The following OCIAD2 variants were observed in gnomAD, a reference collection of about 807,000 sequenced individuals.
OCIAD2 encodes OCIA domain-containing protein 2.
A neutral mutation model predicts 22.9 loss-of-function variants in OCIAD2; 29 were observed. The ratio of observed to expected loss-of-function variants is 1.27; its 90% CI spans 0.94 to 1.73. OCIAD2 has a LOEUF of 1.73. OCIAD2 is among the 40% of genes most tolerant of loss of function. OCIAD2 has a pLI of 0.00. For missense variants in OCIAD2, 189 were observed against 180.3 expected (o/e 1.05, Z -0.28); for synonymous variants, 67 against 60.2 (o/e 1.11, Z -0.52).
chr4:48,905,275 C>G (rs1453400845), intron 1 of OCIAD2, among the ~76,000 whole-genome samples: 1 of 151,928 alleles, frequency 6.6e-6, no homozygotes, highest in Admixed American at 6.6e-5. Flanking sequence ...GTCTAGAGTT[C>G]CAGAACAGGG....
chr4:48,895,118 C>T lies in OCIAD2; in HGVS notation c.218-1065G>A, dbSNP rs542105896. On this transcript the variant is annotated intron_variant, in intron 4 of 6. Coordinates refer to ENST00000508632, the MANE Select transcript of OCIAD2 (RefSeq NM_001014446.3). ...TAAGAAATATGCATGGTTCTAGAAA[C>T]GAGAAAGGAAAAGGAAGCCCAAGAG... Among the ~76,000 whole-genome samples the T allele has an allele frequency of 1.6e-4, 24 of 152,146 alleles. No individual in the cohort carries two copies. In the South Asian group the frequency reaches 2.1e-3, roughly 13 times the overall value.
At chr4:48,892,491 G>T (rs966366846) in intron 6 of OCIAD2, among the ~76,000 whole-genome samples, 24 of 152,278 alleles carry the variant, frequency 1.6e-4, no homozygotes, top group African/African-American at 5.3e-4. Context: ...CTCTGTGATG[G>T]TGGAAGCCAT....
chr4:48,905,577 G>A (rs1030968573), intron 1 of OCIAD2, among the ~76,000 whole-genome samples: 1 of 152,144 alleles, frequency 6.6e-6, no homozygotes, highest in Non-Finnish European at 1.5e-5. Flanking sequence ...TAATCCAGGT[G>A]GACTTTGAGC....
At chr4:48,890,496 C>T (rs1781138231) in intron 6 of OCIAD2, among the ~76,000 whole-genome samples, 1 of 152,096 alleles carries the variant, frequency 6.6e-6, no homozygotes, top group African/African-American at 2.4e-5. Flanking sequence ...TAGATTTGGA[C>T]ACATATGTGC....
At chr4:48,905,738 C>A (rs1579161605) in intron 1 of OCIAD2, among the ~76,000 whole-genome samples, 1 of 152,226 alleles carries the variant, frequency 6.6e-6, no homozygotes, top group Non-Finnish European at 1.5e-5. Flanking sequence ...GGGACCCGTA[C>A]TCGCACCAAG....
At chr4:48,899,226 T>C (rs535469040) in intron 3 of OCIAD2, among the ~76,000 whole-genome samples, 1 of 152,324 alleles carries the variant, frequency 6.6e-6, no homozygotes, top group Admixed American at 6.5e-5. Context: ...TCAAATGCTA[T>C]ATCACACATT....
intron 6 of OCIAD2, among the ~76,000 whole-genome samples, chr4:48,886,425 T>C (rs1428142289): frequency 2.6e-5 from 4 of 152,132 alleles, no homozygotes; most frequent in Admixed American, 6.5e-5. Flanking sequence ...TGTGCCACGT[T>C]GGTGTGCTGC....
Position 48,894,025 on chromosome 4 carries a change from T to G in OCIAD2, c.246A>C (p.Gly82=). 1 of 1,514,620 alleles carries G rather than the reference T, an allele frequency of 6.6e-7. No individual in the cohort carries two copies. Among genetic ancestry groups the G allele is most frequent in the Non-Finnish European group, 8.9e-7 (1 of 1,125,852 alleles). The allele number at this position is 1,514,620 out of a possible 1,614,324, so 93.8% of individuals were successfully genotyped here. Residue 82 remains glycine, a synonymous_variant, in exon 5 of 7, where the codon GGA becomes GGC. Transcript: ENST00000508632. ...ACTTACGTGCAACTTTGGGCAATGA[T>G]CCAAATCTAGAATTAGCTGCCAAAT... is the stretch of plus-strand genomic sequence containing the variant. The part of the protein sequence containing the change: ...QGYLAANSRF[G]SLPKVALAGL...
At chr4:48,886,196 T>G (rs1780981909) in intron 6 of OCIAD2, among the ~76,000 whole-genome samples, 1 of 152,230 alleles carries the variant, frequency 6.6e-6, no homozygotes. Flanking sequence ...CTTTCCTTAT[T>G]TCTTGTTTTT....
intron 3 of OCIAD2, 81 bp from the exon 4 acceptor site, chr4:48,897,938 C>G: frequency 1.1e-6 from 1 of 918,924 alleles, no homozygotes; most frequent in South Asian, 1.4e-5. Flanking sequence ...TTATTCTGAG[C>G]TTTTTCTCTT....
chr4:48,897,854 A>G lies in OCIAD2; in HGVS notation c.167T>C (p.Leu56Pro), dbSNP rs1781334705. 5.0e-6 allele frequency: 8 copies of G among 1,612,152 alleles called. No individual in the cohort carries two copies. Among genetic ancestry groups the G allele is most frequent in the Non-Finnish European group, 6.8e-6 (8 of 1,178,358 alleles). Reference protein sequence around the residue: ...CQEESFWKRALPFSLVSMLVT... With the variant: ...CQEESFWKRAPPFSLVSMLVT... ...AAGCATGCTTACAAGAGAAAAAGGC[A>G]GAGCTGTAAAGCAAAAATGTCCTTC... The change falls in exon 4 of 7, where the codon CTG becomes CCG. Residue 56 changes from leucine to proline, a missense_variant. Transcript: ENST00000508632.
intron 4 of OCIAD2, among the ~76,000 whole-genome samples, chr4:48,895,606 C>T (rs1781285867): frequency 6.6e-6 from 1 of 152,186 alleles, no homozygotes; most frequent in Admixed American, 6.5e-5. Context: ...ATAACTTAAC[C>T]TCTTAAAGGC....
rs1388501739 is a variant in OCIAD2, at chr4:48,904,605, C to T, written c.-56G>A. The T allele has an allele frequency of 7.4e-6, 11 of 1,496,264 alleles. No individual in the cohort carries two copies. Among genetic ancestry groups the T allele is most frequent in the East Asian group, 2.3e-5 (1 of 44,346 alleles). The allele number at this position is 1,496,264 out of a possible 1,614,324, so 92.7% of individuals were successfully genotyped here. A position where few individuals can be genotyped will look rare whatever the true frequency, so the allele number is the denominator to read the frequency against. On this transcript the variant is annotated 5_prime_UTR_variant, in exon 2 of 7. Transcript: ENST00000508632. ...GTTTATCCTCTGCTTACTCCTTGACCCAGTGTCTAAGGAAGGTAGAAGAGA... is the reference window on the plus strand; with the variant it reads ...GTTTATCCTCTGCTTACTCCTTGACTCAGTGTCTAAGGAAGGTAGAAGAGA...
intron 2 of OCIAD2, among the ~76,000 whole-genome samples, chr4:48,901,292 A>G (rs1560461265): frequency 6.6e-6 from 1 of 152,010 alleles, no homozygotes; most frequent in African/African-American, 2.4e-5. Context: ...CTATGGACCC[A>G]TGAGAGAACA....
chr4:48,901,948 T>TG lies in OCIAD2; in HGVS notation c.67-2024dup, dbSNP rs201869993. Reference sequence around the variant, plus strand: ...TTTTTTAATAGAGCTGGGGGAGGCGTGGGGGGGGCGTTCTCACTATGTGTC... The same window carrying TG: ...TTTTTTAATAGAGCTGGGGGAGGCGTGGGGGGGGGCGTTCTCACTATGTGTC... On this transcript the variant is annotated intron_variant, in intron 2 of 6. Coordinates refer to ENST00000508632, the MANE Select transcript of OCIAD2 (RefSeq NM_001014446.3). 4.2e-3 allele frequency among the ~76,000 whole-genome samples: 636 copies of TG among 150,502 alleles called. 2 individuals carry two copies. Among genetic ancestry groups the TG allele is most frequent in the African/African-American group, 0.011 (459 of 40,990 alleles).
At chr4:48,887,640 T>C (rs1486383444) in intron 6 of OCIAD2, among the ~76,000 whole-genome samples, 1 of 152,196 alleles carries the variant, frequency 6.6e-6, no homozygotes, top group East Asian at 1.9e-4. Flanking sequence ...AAAGATCAGA[T>C]AGTTGTAGAT....
chr4:48,906,019 T>A (rs1781516795), intron 1 of OCIAD2, among the ~76,000 whole-genome samples: 2 of 152,182 alleles, frequency 1.3e-5, no homozygotes, highest in South Asian at 4.1e-4. Flanking sequence ...CACCTTCCAT[T>A]TCCTGAGCAC....
intron 6 of OCIAD2, among the ~76,000 whole-genome samples, chr4:48,890,112 G>C (rs973943385): frequency 7.9e-6 from 1 of 126,558 alleles, no homozygotes; most frequent in Non-Finnish European, 1.6e-5. Flanking sequence ...GTTGTGGGGT[G>C]GGGGGAGGGG....
intron 4 of OCIAD2, among the ~76,000 whole-genome samples, chr4:48,894,303 C>G (rs1026349512): frequency 7.2e-5 from 11 of 151,838 alleles, no homozygotes; most frequent in African/African-American, 2.7e-4. Flanking sequence ...CCAGCTTGGC[C>G]AACATGGTGA....
Sources: allele counts gnomAD v4.1 joint callset (sites outside exome capture counted in the v4.1 genomes callset), GRCh38; gene constraint gnomAD v4.1.1; transcripts MANE v1.5; gene names NCBI Gene and HGNC (gene_info 2026-07-23, HGNC 2026-07-21).